The following GALNT13 variants were observed in gnomAD, a reference collection of about 807,000 sequenced individuals.
GALNT13 encodes polypeptide N-acetylgalactosaminyltransferase 13, also known as UDP-GalNAc:polypeptide N-acetylgalactosaminyltransferase 13.
In GALNT13, 28 loss-of-function variants were observed where a neutral mutation model predicts 64.2. The observed-to-expected ratio is 0.44, with a 90% CI of 0.32 to 0.60. The LOEUF (loss-of-function observed/expected upper bound fraction) is 0.60. Among genes scored for constraint, GALNT13 ranks in the 20% least tolerant of loss-of-function variants. The probability of loss-of-function intolerance (pLI) is 0.05; values close to 1 mark genes in which losing one functional copy is unlikely to be tolerated. For missense variants in GALNT13, 577 were observed against 669.8 expected, an observed-to-expected ratio of 0.86 and a Z score of 1.53; for synonymous variants, 214 against 224.6, an observed-to-expected ratio of 0.95 and a Z score of 0.42.
chr2:154,024,773 T>G (rs1697820097), intron 3 of GALNT13, among the ~76,000 whole-genome samples: 1 of 152,152 alleles, frequency 6.6e-6, no homozygotes, highest in African/African-American at 2.4e-5. Flanking sequence ...GGCACTCTGA[T>G]TTTTAGAGTT....
the GALNT13 span, among the ~76,000 whole-genome samples, chr2:153,339,466 TTTC>T: frequency 6.6e-6 from 1 of 152,226 alleles, no homozygotes; most frequent in African/African-American, 2.4e-5. Context: ...AGTTATTTGT[TTTC>T]TTACTATTGA....
chr2:154,415,277 T>C (rs1238405585), intron 11 of GALNT13, among the ~76,000 whole-genome samples: 1 of 152,126 alleles, frequency 6.6e-6, no homozygotes. Context: ...TCCCTCTGAA[T>C]AGCAGCACAT....
At chr2:153,868,992 C>T (rs996219808), upstream of GALNT13, among the ~76,000 whole-genome samples, 1 of 152,098 alleles carries the variant, frequency 6.6e-6, no homozygotes, top group Non-Finnish European at 1.5e-5. Context: ...AGTATTTAAA[C>T]TTCAAGAAAT....
At chr2:153,940,260 CTTTTTT>C (rs35641791) in intron 2 of GALNT13, among the ~76,000 whole-genome samples, 1 of 129,248 alleles carries the variant, frequency 7.7e-6, no homozygotes, top group Non-Finnish European at 1.6e-5. Flanking sequence ...AAGTTTTTGT[CTTTTTT>C]TTTTTTTTTT....
chr2:153,189,084 T>A, the GALNT13 span, among the ~76,000 whole-genome samples: 54 of 152,304 alleles, frequency 3.5e-4, no homozygotes, highest in African/African-American at 1.2e-3. Flanking sequence ...TCTAACTATA[T>A]GTGTATAACA....
rs964849458 is a variant in GALNT13 at position 154,087,197 on chromosome 2, GA to G, written c.143-53130del. Among the ~76,000 whole-genome samples, 30 of 146,826 alleles carry G rather than the reference GA, an allele frequency of 2.0e-4. No individual in the cohort carries two copies. In the East Asian group the frequency reaches 2.8e-3, roughly 14 times the overall value. On this transcript the variant is annotated intron_variant, in intron 3 of 12. Transcript: ENST00000392825. The stretch of plus-strand genomic sequence containing the variant: ...AAACTTGTGTTTCATTTTCTTTTAG[GA>G]AAAAAAAAAGATCAGACTCTTAGGC...
chr2:154,160,122 T>G (rs2105661236), intron 4 of GALNT13, among the ~76,000 whole-genome samples: 1 of 152,342 alleles, frequency 6.6e-6, no homozygotes, highest in South Asian at 2.1e-4. Context: ...CTGAGGTTTT[T>G]GGCCATTTTC....
chr2:154,355,622 A>T (rs940808447), intron 9 of GALNT13, among the ~76,000 whole-genome samples: 1 of 152,086 alleles, frequency 6.6e-6, no homozygotes, highest in African/African-American at 2.4e-5. Context: ...ATTCATTATC[A>T]TTACTGCTAA....
chr2:153,788,438 G>A, the GALNT13 span, among the ~76,000 whole-genome samples: 1 of 151,332 alleles, frequency 6.6e-6, no homozygotes, highest in African/African-American at 2.4e-5. Flanking sequence ...CCTTACAAGA[G>A]CTCCTAAAAA....
chr2:153,094,574 T>C, the GALNT13 span, among the ~76,000 whole-genome samples: 2 of 152,126 alleles, frequency 1.3e-5, no homozygotes, highest in African/African-American at 4.8e-5. Flanking sequence ...GAGCCCGCAT[T>C]GCCAAGACAA....
the GALNT13 span, among the ~76,000 whole-genome samples, chr2:153,365,906 A>T: frequency 1.3e-5 from 2 of 152,182 alleles, no homozygotes; most frequent in Non-Finnish European, 2.9e-5. Context: ...TACCTAAAGG[A>T]TTATAAATCA....
At chr2:154,370,048 G>A (rs138432368) in intron 9 of GALNT13, among the ~76,000 whole-genome samples, 7 of 152,094 alleles carry the variant, frequency 4.6e-5, no homozygotes, top group African/African-American at 1.7e-4. Context: ...TTGGAGCCCT[G>A]CCCTGAGATT....
At chr2:154,360,375 T>C (rs1696995340) in intron 9 of GALNT13, among the ~76,000 whole-genome samples, 1 of 152,146 alleles carries the variant, frequency 6.6e-6, no homozygotes, top group South Asian at 2.1e-4. Flanking sequence ...AGTCCAACCA[T>C]TCATGTTCCT....
At chr2:154,150,952 T>C (rs1441898820) in intron 4 of GALNT13, among the ~76,000 whole-genome samples, 1 of 152,176 alleles carries the variant, frequency 6.6e-6, no homozygotes, top group Non-Finnish European at 1.5e-5. Context: ...TGATTTTAGT[T>C]ATTACTTGCC....
chr2:153,600,430 C>A, the GALNT13 span, among the ~76,000 whole-genome samples: 2 of 151,690 alleles, frequency 1.3e-5, no homozygotes, highest in African/African-American at 2.4e-5. Flanking sequence ...ATCAGAAAAT[C>A]CAACTGGAAT....
chr2:154,342,976 T>C (rs540285583), intron 9 of GALNT13, among the ~76,000 whole-genome samples: 35 of 152,160 alleles, frequency 2.3e-4, no homozygotes, highest in African/African-American at 8.2e-4. Flanking sequence ...GTTTACCAAG[T>C]ACATTGCAAG....
intron 8 of GALNT13, among the ~76,000 whole-genome samples, chr2:154,269,936 C>T (rs1166894042): frequency 1.9e-5 from 1 of 51,612 alleles, no homozygotes; most frequent in Non-Finnish European, 4.3e-5. Context: ...TTCTAAAGCA[C>T]AGGGTGAGTA....
At chr2:153,645,996 C>T in the GALNT13 span, among the ~76,000 whole-genome samples, 1 of 152,070 alleles carries the variant, frequency 6.6e-6, no homozygotes, top group Non-Finnish European at 1.5e-5. Context: ...CATGATCTCA[C>T]TTGACCCCTG....
At chr2:154,088,193 A>T (rs537830145) in intron 3 of GALNT13, among the ~76,000 whole-genome samples, 1 of 152,252 alleles carries the variant, frequency 6.6e-6, no homozygotes, top group African/African-American at 2.4e-5. Context: ...ATTTTGCAGT[A>T]CTAAGGCCTT....
Sources: allele counts gnomAD v4.1 joint callset (sites outside exome capture counted in the v4.1 genomes callset), GRCh38; gene constraint gnomAD v4.1.1; transcripts MANE v1.5; gene names NCBI Gene and HGNC (gene_info 2026-07-23, HGNC 2026-07-21).